GPR149: variants seen among roughly 807,000 people sequenced by gnomAD.
The protein encoded by GPR149 is G protein-coupled receptor 149, also known as probable G protein-coupled receptor 149.
A neutral mutation model predicts 50.2 loss-of-function variants in GPR149; 50 were observed. The ratio of observed to expected loss-of-function variants is 1.00; its 90% confidence interval spans 0.79 to 1.26. The LOEUF is 1.26. Ranked by LOEUF, GPR149 falls within the 50% of genes most tolerant of loss-of-function variation. GPR149 has a pLI of 0.00. For synonymous variants in GPR149, 405 were observed against 358.2 expected (o/e 1.13, Z -1.48); for missense variants, 983 against 895.4 (o/e 1.10, Z -1.25).
chr3:154,354,448 CA>C (rs1386845832), intron 3 of GPR149, among the ~76,000 whole-genome samples: 1 of 152,176 alleles, frequency 6.6e-6, no homozygotes, highest in East Asian at 1.9e-4. Context: ...CAAATACTGC[CA>C]CCTTAGCCTC....
chr3:154,427,975 C>T (rs377382634), intron 1 of GPR149, among the ~76,000 whole-genome samples: 1 of 152,172 alleles, frequency 6.6e-6, no homozygotes, highest in African/African-American at 2.4e-5. Flanking sequence ...AAGGCACAGT[C>T]TACAACGTGG....
rs771534095 is a variant in GPR149, at chr3:154,337,911, C to G, written c.1984G>C (p.Val662Leu). ...GCTGTTTCCCCTAGGTCACATGAAA[C>G]AAATCTGTTTTCTTTCCTGGAGTAA... ...LRYSRKENRFVSCDLGETASY... is the reference protein window; with the variant it reads ...LRYSRKENRFLSCDLGETASY... The change falls in exon 4 of 4, where the codon GTT (valine) becomes CTT (leucine). Residue 662 changes from valine to leucine, a missense_variant. Coordinates refer to ENST00000389740, the MANE Select transcript of GPR149 (RefSeq NM_001038705.3). The G allele has an allele frequency of 7.4e-6, 12 of 1,612,718 alleles. No individual in the cohort carries two copies. The highest frequency in any genetic ancestry group is 1.0e-5 in the Non-Finnish European group (12 of 1,179,354).
At position 154,363,994 on chromosome 3, in the gene GPR149, C is replaced by A. The variant is rs1714474364; in HGVS notation, c.1624-25723G>T. ...ACTCACTGAAATGCAGGAGTGGAAG[C>A]TGTGCTGAGCTGTGGGCAGCAGGAA... On this transcript the variant is annotated intron_variant, in intron 3 of 3. Transcript: ENST00000389740. Among the ~76,000 whole-genome samples, 3 of 152,174 alleles carry A rather than the reference C, an allele frequency of 2.0e-5. No homozygotes were observed. The South Asian group carries it at 6.2e-4, about 32-fold the overall frequency.
intron 3 of GPR149, 91 bp from the exon 4 acceptor site, chr3:154,338,362 G>C: frequency 9.5e-7 from 1 of 1,048,592 alleles, no homozygotes; most frequent in Non-Finnish European, 1.4e-6. Flanking sequence ...AATGATAAAG[G>C]TTTTCTATTT....
At chr3:154,383,458 G>A (rs751058057) in intron 3 of GPR149, among the ~76,000 whole-genome samples, 24 of 152,046 alleles carry the variant, frequency 1.6e-4, no homozygotes, top group African/African-American at 2.9e-4. Flanking sequence ...TACTTTGTGC[G>A]AGTCCTTCAC....
chr3:154,369,567 C>A (rs536886689), intron 3 of GPR149, among the ~76,000 whole-genome samples: 1 of 152,270 alleles, frequency 6.6e-6, no homozygotes, highest in East Asian at 1.9e-4. Context: ...AAAGGCACAC[C>A]GGAAAGAGAA....
chr3:154,391,192 T>C (rs1385320132), intron 3 of GPR149, among the ~76,000 whole-genome samples: 1 of 151,990 alleles, frequency 6.6e-6, no homozygotes, highest in Non-Finnish European at 1.5e-5. Context: ...GTGGGTAAAC[T>C]TTTAATCATA....
intron 3 of GPR149, among the ~76,000 whole-genome samples, chr3:154,412,112 C>T (rs986185250): frequency 5.3e-5 from 8 of 152,088 alleles, no homozygotes; most frequent in Non-Finnish European, 1.5e-5. Context: ...ATAATCATCT[C>T]AATAGATGCA....
At chr3:154,391,303 T>G (rs1163853755) in intron 3 of GPR149, among the ~76,000 whole-genome samples, 1 of 150,092 alleles carries the variant, frequency 6.7e-6, no homozygotes, top group Non-Finnish European at 1.5e-5. Flanking sequence ...GAACATAACG[T>G]GTGTGGGGGG....
At chr3:154,359,941 C>T (rs1576905189) in intron 3 of GPR149, among the ~76,000 whole-genome samples, 1 of 152,230 alleles carries the variant, frequency 6.6e-6, no homozygotes, top group South Asian at 2.1e-4. Context: ...CTCTCTCATC[C>T]AGTAAGATGA....
At chr3:154,404,527 TA>T (rs1366355227) in intron 3 of GPR149, among the ~76,000 whole-genome samples, 2 of 152,194 alleles carry the variant, frequency 1.3e-5, no homozygotes, top group Non-Finnish European at 2.9e-5. Context: ...GTGACATATT[TA>T]AAGATCCCCT....
intron 3 of GPR149, chr3:154,353,905 A>G (rs1259604591): frequency 1.8e-6 from 1 of 546,800 alleles, no homozygotes. Context: ...CTTCAGAAAT[A>G]CGGAAATAGG....
At chr3:154,424,794 A>G (rs1392633313) in intron 2 of GPR149, among the ~76,000 whole-genome samples, 1 of 151,842 alleles carries the variant, frequency 6.6e-6, no homozygotes, top group East Asian at 1.9e-4. Flanking sequence ...CTTGCCAATT[A>G]CAATTTTAGA....
Position 154,337,819 on chromosome 3 carries a change from T to C in GPR149, c.2076A>G (p.Thr692=), listed in dbSNP as rs767764374. ...DGDINISIPD[T]VEAHRQNSKR... ...TACTGTTCTGCCTGTGTGCTTCTAC[T>C]GTGTCTGGAATGGAGATATTAATAT... The change falls in exon 4 of 4, where the codon ACA becomes ACG. Residue 692 remains threonine, a synonymous_variant. Transcript: ENST00000389740. 2 of 1,614,144 alleles carry C rather than the reference T, an allele frequency of 1.2e-6. No individual in the cohort carries two copies. Among genetic ancestry groups the C allele is most frequent in the South Asian group, 1.1e-5 (1 of 91,064 alleles).
At chr3:154,353,166 C>T in intron 3 of GPR149, 2 of 1,524,988 alleles carry the variant, frequency 1.3e-6, no homozygotes, top group Non-Finnish European at 1.8e-6. Context: ...AATAGCCCTC[C>T]CTTCAGACCC....
intron 3 of GPR149, chr3:154,353,755 G>C: frequency 3.7e-6 from 3 of 801,824 alleles, no homozygotes; most frequent in Non-Finnish European, 6.4e-6. Flanking sequence ...TTCAATCAAG[G>C]GGATGGCAAA....
chr3:154,381,939 A>T (rs1024877513), intron 3 of GPR149, among the ~76,000 whole-genome samples: 3 of 152,218 alleles, frequency 2.0e-5, no homozygotes, highest in Non-Finnish European at 2.9e-5. Flanking sequence ...CGTCAAATAG[A>T]TGCTAAAAAT....
rs1171589380 is a variant in GPR149 at position 154,429,274 on chromosome 3, G to C, written c.342C>G (p.Cys114Trp). The change falls in exon 1 of 4, where the codon TGC (cysteine) becomes TGG (tryptophan). Residue 114 changes from cysteine (C) to tryptophan (W), a missense_variant. Physicochemically the swap from Cys to Trp is radical, Grantham distance 215. Transcript: ENST00000389740. ...CCTTCAAGTTGCTAGAGAGGCCCTGGCATAAATACATTAAGGCAGAGGTGG... is the reference window on the plus strand; with the variant it reads ...CCTTCAAGTTGCTAGAGAGGCCCTGCCATAAATACATTAAGGCAGAGGTGG... The part of the protein sequence containing the change: ...LCTTSALMYL[C>W]QGLSSNLKAT... The C allele has an allele frequency of 1.2e-6, 2 of 1,614,184 alleles. No homozygotes were observed. Among genetic ancestry groups the C allele is most frequent in the Non-Finnish European group, 1.7e-6 (2 of 1,180,026 alleles).
At chr3:154,383,722 C>A (rs1576915915) in intron 3 of GPR149, among the ~76,000 whole-genome samples, 1 of 151,964 alleles carries the variant, frequency 6.6e-6, no homozygotes, top group Non-Finnish European at 1.5e-5. Context: ...ATGTTTGTGT[C>A]CCCCCAAAAT....
Sources: gnomAD v4.1 joint callset for allele counts (sites outside exome capture counted in the v4.1 genomes callset) on GRCh38, gnomAD v4.1.1 for gene constraint, MANE v1.5 for transcripts, NCBI Gene and HGNC (gene_info 2026-07-23, HGNC 2026-07-21) for gene names.